Variants in SEMA3D observed in about 807,000 individuals in gnomAD.
The protein encoded by SEMA3D is semaphorin 3D, also known as semaphorin-3D.
SEMA3D carries 84 observed loss-of-function variants against 100.1 expected under a neutral mutation model. The observed-to-expected ratio is 0.84, with a 90% CI of 0.70 to 1.01. The LOEUF (loss-of-function observed/expected upper bound fraction) is 1.01, where lower values mean the gene tolerates loss of function less well. Among genes scored for constraint, SEMA3D ranks in the 50% least tolerant of loss-of-function variants. SEMA3D has a pLI of 0.00. For synonymous variants in SEMA3D, 312 were observed against 320.7 expected, an observed-to-expected ratio of 0.97 and a Z score of 0.29; for missense variants, 875 against 934.1, an observed-to-expected ratio of 0.94 and a Z score of 0.82.
intron 9 of SEMA3D, among the ~76,000 whole-genome samples, chr7:85,052,704 C>T (rs1379387248): frequency 6.6e-6 from 1 of 151,886 alleles, no homozygotes; most frequent in East Asian, 1.9e-4. Flanking sequence ...ATCTATTGCC[C>T]TCACTATACT....
At chr7:85,134,718 AAAG>A (rs1789809837) in intron 2 of SEMA3D, among the ~76,000 whole-genome samples, 1 of 152,004 alleles carries the variant, frequency 6.6e-6, no homozygotes, top group African/African-American at 2.4e-5. Flanking sequence ...TAAATAAATG[AAAG>A]AAGAACTCAG....
chr7:85,205,733 T>G, the SEMA3D span, among the ~76,000 whole-genome samples: 1 of 152,062 alleles, frequency 6.6e-6, no homozygotes, highest in Non-Finnish European at 1.5e-5. Flanking sequence ...GTCTTCAGCT[T>G]CTTCTGTCCT....
intron 2 of SEMA3D, chr7:85,140,996 T>A (rs895198887): frequency 1.5e-5 from 10 of 647,188 alleles, no homozygotes; most frequent in Non-Finnish European, 1.9e-5. Context: ...AATGAGATTA[T>A]ATCAATAATC....
intron 3 of SEMA3D, 31 bp from the exon 4 acceptor site, chr7:85,097,996 G>A (rs778389710): frequency 8.3e-7 from 1 of 1,199,782 alleles, no homozygotes; most frequent in South Asian, 2.5e-5. Context: ...AAAGAAAGGA[G>A]AAAGAAAAAA....
In SEMA3D at chr7:85,178,633, A is replaced by T. The variant is rs551176496; in HGVS notation, c.-173+8045T>A. On this transcript the variant is annotated intron_variant, in intron 1 of 18. Coordinates refer to ENST00000284136, the MANE Select transcript of SEMA3D (RefSeq NM_001384900.1). ...GCTCAAGAGTAAACAGAGCAAAAAAATTTGGAAAATTTGCCTCCTGATGAT... is the reference window on the plus strand; with the variant it reads ...GCTCAAGAGTAAACAGAGCAAAAAATTTTGGAAAATTTGCCTCCTGATGAT... 1.1e-4 allele frequency among the ~76,000 whole-genome samples: 17 copies of T among 152,278 alleles called. 1 individual carries two copies. Among genetic ancestry groups the T allele is most frequent in the African/African-American group, 3.1e-4 (13 of 41,564 alleles).
At chr7:85,195,038 T>G in the SEMA3D span, among the ~76,000 whole-genome samples, 2 of 152,176 alleles carry the variant, frequency 1.3e-5, no homozygotes, top group African/African-American at 4.8e-5. Context: ...GAGGTCACAA[T>G]TCATCCCACA....
rs1307908711 is a variant in SEMA3D, at chr7:85,139,532, G to T, written c.-41+14076C>A. The stretch of plus-strand genomic sequence containing the variant: ...AATATTTCTGTCTTTTTCACAAAGG[G>T]ACTACAGATGAATGCTATTCTTTAA... On this transcript the variant is annotated intron_variant, in intron 2 of 18. Coordinates refer to ENST00000284136, the MANE Select transcript of SEMA3D (RefSeq NM_001384900.1). Among the ~76,000 whole-genome samples the T allele has an allele frequency of 5.3e-5, 8 of 151,868 alleles. 1 individual carries two copies. The highest frequency in any genetic ancestry group is 1.0e-4 in the Non-Finnish European group (7 of 67,928).
intron 11 of SEMA3D, 65 bp downstream of exon 11, chr7:85,040,608 T>C: frequency 1.2e-6 from 1 of 822,132 alleles, no homozygotes; most frequent in Non-Finnish European, 2.0e-6. Context: ...AAAGATCCTA[T>C]AACTATATTG....
chr7:84,995,561 A>G lies in SEMA3D; in HGVS notation c.*3879T>C, dbSNP rs1289058596. On this transcript the variant is annotated 3_prime_UTR_variant, in exon 19 of 19. Transcript: ENST00000284136. ...TGCACACAAACCAGTAGTTTTTATA[A>G]TCATAGAACAGTCATGTTTGCATTT... 6.6e-6 allele frequency: 1 copy of G among 152,114 alleles called. No individual in the cohort carries two copies. The highest frequency in any genetic ancestry group is 1.5e-5 in the Non-Finnish European group (1 of 67,954). The allele number at this position is 152,114 out of a possible 1,614,324, so 9.4% of individuals were successfully genotyped here.
intron 4 of SEMA3D, among the ~76,000 whole-genome samples, chr7:85,086,305 T>C (rs1788211948): frequency 6.6e-6 from 1 of 152,138 alleles, no homozygotes; most frequent in South Asian, 2.1e-4. Flanking sequence ...TGGATTTTTT[T>C]TCTTACATAC....
the SEMA3D span, among the ~76,000 whole-genome samples, chr7:85,205,048 C>A: frequency 1.1e-4 from 16 of 152,176 alleles, no homozygotes; most frequent in Admixed American, 3.9e-4. Flanking sequence ...ATATTTTAAG[C>A]ATTTTTTTCA....
the SEMA3D span, among the ~76,000 whole-genome samples, chr7:85,215,978 A>G: frequency 6.6e-6 from 1 of 152,238 alleles, no homozygotes; most frequent in Non-Finnish European, 1.5e-5. Flanking sequence ...TTCATAATAT[A>G]AAACTTTTCA....
intron 1 of SEMA3D, among the ~76,000 whole-genome samples, chr7:85,174,303 A>G (rs190614401): frequency 5.6e-4 from 85 of 152,276 alleles, no homozygotes; most frequent in African/African-American, 2.0e-3. Flanking sequence ...ATCAGTGACT[A>G]TTACAGTGCC....
At chr7:85,224,650 C>T in the SEMA3D span, among the ~76,000 whole-genome samples, 1 of 152,104 alleles carries the variant, frequency 6.6e-6, no homozygotes, top group African/African-American at 2.4e-5. Flanking sequence ...TATCTAGGCT[C>T]ATCTTTTTGT....
At chr7:85,127,634 A>C (rs1789602451) in intron 2 of SEMA3D, among the ~76,000 whole-genome samples, 2 of 152,202 alleles carry the variant, frequency 1.3e-5, no homozygotes, top group Non-Finnish European at 2.9e-5. Context: ...TAACACATTT[A>C]TAAAAATTTA....
At chr7:85,136,862 T>C (rs1177530145) in intron 2 of SEMA3D, among the ~76,000 whole-genome samples, 2 of 152,080 alleles carry the variant, frequency 1.3e-5, no homozygotes, top group African/African-American at 4.8e-5. Flanking sequence ...TAGCGGAAAG[T>C]GCTCTGAGTT....
chr7:85,089,138 A>C (rs913515621), intron 4 of SEMA3D, among the ~76,000 whole-genome samples: 4 of 152,176 alleles, frequency 2.6e-5, no homozygotes, highest in African/African-American at 7.2e-5. Context: ...GAATCTCAGC[A>C]GCCCAGCCTT....
chr7:85,246,958 AAT>A, the SEMA3D span, among the ~76,000 whole-genome samples: 1 of 152,028 alleles, frequency 6.6e-6, no homozygotes, highest in African/African-American at 2.4e-5. Flanking sequence ...CTAAAAAAAA[AAT>A]AATGCTGAAA....
In SEMA3D at chr7:85,006,754, G is replaced by A. The variant is rs188560078; in HGVS notation, c.1908+48C>T. 884 of 1,478,032 alleles carry A rather than the reference G, an allele frequency of 6.0e-4. 5 individuals carry two copies. The African/African-American group carries it at 8.3e-3, about 14-fold the overall frequency. The allele number at this position is 1,478,032 out of a possible 1,614,324, so 91.6% of individuals were successfully genotyped here. A position where few individuals can be genotyped will look rare whatever the true frequency, so the allele number is the denominator to read the frequency against. On this transcript the variant is annotated intron_variant, in intron 18 of 18. Transcript: ENST00000284136. ...ATTAAAAGTTGAACATCTCTCAATC[G>A]TACACTATTTCCCTCAAAGTGAGTA...
Sources: gnomAD v4.1 joint callset for allele counts (sites outside exome capture counted in the v4.1 genomes callset) on GRCh38, gnomAD v4.1.1 for gene constraint, MANE v1.5 for transcripts, NCBI Gene and HGNC (gene_info 2026-07-23, HGNC 2026-07-21) for gene names.